The following OSBPL8 variants were observed in gnomAD, a reference collection of about 807,000 sequenced individuals.
OSBPL8 encodes the protein oxysterol-binding protein-related protein 8.
In OSBPL8, 59 loss-of-function variants were observed where a neutral mutation model predicts 125.5. The observed-to-expected ratio is 0.47, with a 90% CI of 0.38 to 0.58. The LOEUF (loss-of-function observed/expected upper bound fraction) is 0.58. Ranked by LOEUF, OSBPL8 falls within the 20% of genes least tolerant of loss-of-function variation. The pLI is 0.00. For synonymous variants in OSBPL8, 330 were observed against 338.9 expected, an observed-to-expected ratio of 0.97 and a Z score of 0.29; for missense variants, 758 against 1,047.8, an observed-to-expected ratio of 0.72 and a Z score of 3.82.
At chr12:76,484,495 C>A (rs555341197) in intron 2 of OSBPL8, among the ~76,000 whole-genome samples, 1 of 152,232 alleles carries the variant, frequency 6.6e-6, no homozygotes, top group East Asian at 1.9e-4. Flanking sequence ...TGGATGTTTA[C>A]GTATGTGTAG....
intron 21 of OSBPL8, among the ~76,000 whole-genome samples, chr12:76,368,029 C>A (rs555557651): frequency 6.0e-4 from 91 of 152,260 alleles, no homozygotes; most frequent in African/African-American, 2.2e-3. Flanking sequence ...TACTAAAAAT[C>A]TTTATTTCTT....
At chr12:76,392,484 G>C (rs1015486140) in intron 10 of OSBPL8, 97 bp downstream of exon 10, 1 of 1,176,338 alleles carries the variant, frequency 8.5e-7, no homozygotes, top group Non-Finnish European at 1.2e-6. Context: ...GCAAATTTCA[G>C]TCCTAGATAC....
chr12:76,400,965 T>G (rs919329949), intron 6 of OSBPL8, among the ~76,000 whole-genome samples: 3 of 152,002 alleles, frequency 2.0e-5, no homozygotes, highest in Admixed American at 1.3e-4. Flanking sequence ...AGTTTTGTAT[T>G]TTTTGTAGAG....
chr12:76,531,423 T>C (rs960090538), intron 1 of OSBPL8, among the ~76,000 whole-genome samples: 2 of 152,222 alleles, frequency 1.3e-5, no homozygotes, highest in Non-Finnish European at 2.9e-5. Context: ...CAACTCAGGT[T>C]ATAAAAACTA....
chr12:76,476,293 CA>C (rs1403611533), intron 2 of OSBPL8, among the ~76,000 whole-genome samples: 3 of 151,976 alleles, frequency 2.0e-5, no homozygotes, highest in African/African-American at 4.8e-5. Context: ...AGCTCACAAA[CA>C]AAAATAATAT....
chr12:76,486,078 T>A, intron 2 of OSBPL8: 1 of 414,578 alleles, frequency 2.4e-6, no homozygotes, highest in Non-Finnish European at 4.8e-6. Flanking sequence ...GCCTTCTTCA[T>A]AAGCCAAGAA....
chr12:76,358,370 C>T (rs1307612384), intron 22 of OSBPL8, among the ~76,000 whole-genome samples: 5 of 151,794 alleles, frequency 3.3e-5, no homozygotes, highest in East Asian at 1.9e-4. Flanking sequence ...TTAGTAGAGA[C>T]GGGGTTTCCC....
intron 2 of OSBPL8, among the ~76,000 whole-genome samples, chr12:76,482,527 T>C (rs983256688): frequency 6.6e-6 from 1 of 151,900 alleles, no homozygotes; most frequent in Non-Finnish European, 1.5e-5. Flanking sequence ...GCAGGAGAAT[T>C]GCTTGAACCC....
chr12:76,386,300 C>T, intron 13 of OSBPL8, 34 bp from the exon 14 acceptor site: 1 of 1,563,510 alleles, frequency 6.4e-7, no homozygotes, highest in South Asian at 1.2e-5. Context: ...TTTCAAATTA[C>T]AAATACAAAG....
chr12:76,491,932 T>G (rs563605968), intron 1 of OSBPL8, among the ~76,000 whole-genome samples: 5 of 152,170 alleles, frequency 3.3e-5, no homozygotes, highest in Non-Finnish European at 7.4e-5. Context: ...TTTCATGATA[T>G]CCATTCAATT....
chr12:76,483,189 G>A (rs1419909929), intron 2 of OSBPL8, among the ~76,000 whole-genome samples: 2 of 152,208 alleles, frequency 1.3e-5, no homozygotes, highest in Non-Finnish European at 2.9e-5. Flanking sequence ...GAACCCGGGA[G>A]ACAGGAGGTT....
At chr12:76,517,594 T>C (rs1311652131) in intron 1 of OSBPL8, among the ~76,000 whole-genome samples, 2 of 152,208 alleles carry the variant, frequency 1.3e-5, no homozygotes, top group East Asian at 3.9e-4. Context: ...CAAAATTCCG[T>C]TATGTACTAG....
chr12:76,419,342 G>C (rs1178964426), intron 4 of OSBPL8, among the ~76,000 whole-genome samples: 1 of 152,120 alleles, frequency 6.6e-6, no homozygotes, highest in Non-Finnish European at 1.5e-5. Flanking sequence ...AACATGAAAA[G>C]ACATTGTTCC....
intron 21 of OSBPL8, among the ~76,000 whole-genome samples, chr12:76,359,370 G>A (rs1442365517): frequency 6.6e-6 from 1 of 152,136 alleles, no homozygotes; most frequent in Admixed American, 6.5e-5. Flanking sequence ...ATTTTGTAGA[G>A]CATTATTTAA....
intron 4 of OSBPL8, among the ~76,000 whole-genome samples, chr12:76,425,554 T>C (rs1389881994): frequency 6.6e-6 from 1 of 152,164 alleles, no homozygotes; most frequent in Non-Finnish European, 1.5e-5. Context: ...AGAGGTGTCA[T>C]TACCAAAAAG....
intron 1 of OSBPL8, among the ~76,000 whole-genome samples, chr12:76,521,480 T>C (rs1882056376): frequency 6.6e-6 from 1 of 151,846 alleles, no homozygotes; most frequent in African/African-American, 2.4e-5. Context: ...GAAAGTAGAG[T>C]CTTGAAGAGA....
At chr12:76,356,599 G>T in intron 23 of OSBPL8, 27 bp downstream of exon 23, 2 of 1,409,786 alleles carry the variant, frequency 1.4e-6, no homozygotes, top group East Asian at 2.3e-5. Context: ...GGTCTCAAAT[G>T]AATAGTCAGT....
chr12:76,483,660 C>CTTTTTTTTTT (rs869202382), intron 2 of OSBPL8, among the ~76,000 whole-genome samples: 2 of 57,438 alleles, frequency 3.5e-5, no homozygotes, highest in African/African-American at 8.0e-5. Context: ...CTGTAATAGT[C>CTTTTTTTTTT]TTTTTTTTTT....
intron 1 of OSBPL8, among the ~76,000 whole-genome samples, chr12:76,507,956 A>ACCTGCCTCAG (rs1184030644): frequency 6.7e-6 from 1 of 149,110 alleles, no homozygotes; most frequent in African/African-American, 2.6e-5. Context: ...AGATCACCTG[A>ACCTGCCTCAG]GATCAGGAGT....
Sources: gnomAD v4.1 joint callset for allele counts (sites outside exome capture counted in the v4.1 genomes callset) on GRCh38, gnomAD v4.1.1 for gene constraint, MANE v1.5 for transcripts, NCBI Gene and HGNC (gene_info 2026-07-23, HGNC 2026-07-21) for gene names.